CALCR: variants seen among roughly 807,000 people sequenced by gnomAD.
The protein encoded by CALCR is calcitonin receptor.
CALCR carries 47 observed loss-of-function variants against 59.5 expected under a neutral mutation model. That is an observed-to-expected ratio of 0.79 (90% CI 0.63 to 1.01). The LOEUF is 1.01. Ranked by LOEUF, CALCR falls within the 50% of genes least tolerant of loss-of-function variation. The probability of loss-of-function intolerance (pLI) is 0.00; values close to 1 mark genes in which losing one functional copy is unlikely to be tolerated. For synonymous variants in CALCR, 213 were observed against 211.3 expected (o/e 1.01, Z -0.07); for missense variants, 566 against 597.1 (o/e 0.95, Z 0.54).
chr7:93,501,039 T>G (rs2116000417), intron 2 of CALCR, among the ~76,000 whole-genome samples: 1 of 152,132 alleles, frequency 6.6e-6, no homozygotes, highest in African/African-American at 2.4e-5. Context: ...TCTGTAAAAT[T>G]GTCTAGATTC....
intron 2 of CALCR, among the ~76,000 whole-genome samples, chr7:93,548,839 A>AGTGT (rs754317267): frequency 0.073 from 9,987 of 137,312 alleles, 443 homozygotes; most frequent in African/African-American, 0.12. Context: ...ATCCAGAAGA[A>AGTGT]GTGTGTGTGT....
chr7:93,462,201 T>A (rs903110728), intron 7 of CALCR: 2 of 629,520 alleles, frequency 3.2e-6, no homozygotes, highest in African/African-American at 3.8e-5. Flanking sequence ...CGGGAAGCGA[T>A]TATAGTAACT....
chr7:93,475,747 C>G lies in CALCR; in HGVS notation c.316+1811G>C, dbSNP rs371030853. ...TCTTGGTTTTAACTGTTATAACTATCAAGAATTTGTCCTACTTCACCTGAT... is the reference window on the plus strand; with the variant it reads ...TCTTGGTTTTAACTGTTATAACTATGAAGAATTTGTCCTACTTCACCTGAT... On this transcript the variant is annotated intron_variant, in intron 5 of 13. Coordinates refer to ENST00000426151, the MANE Select transcript of CALCR (RefSeq NM_001742.4). Among the ~76,000 whole-genome samples the G allele has an allele frequency of 5.2e-4, 79 of 151,858 alleles. 2 individuals are homozygous for G. The South Asian group carries it at 0.016, about 31-fold the overall frequency.
intron 2 of CALCR, among the ~76,000 whole-genome samples, chr7:93,534,751 T>C (rs1788942787): frequency 6.6e-6 from 1 of 151,708 alleles, no homozygotes; most frequent in Non-Finnish European, 1.5e-5. Flanking sequence ...AGTCAAATCA[T>C]TGCAGCACAA....
chr7:93,458,291 T>C (rs532644897), intron 8 of CALCR, among the ~76,000 whole-genome samples: 24 of 152,298 alleles, frequency 1.6e-4, no homozygotes, highest in African/African-American at 5.1e-4. Flanking sequence ...ACAGGATGCA[T>C]GCTCTGGGCA....
intron 8 of CALCR, among the ~76,000 whole-genome samples, chr7:93,460,558 A>G (rs1368520690): frequency 1.5e-4 from 9 of 61,438 alleles, no homozygotes; most frequent in African/African-American, 8.2e-4. Flanking sequence ...TCTATCTAAA[A>G]AAAAAAAAAA....
chr7:93,501,881 T>C lies in CALCR; in HGVS notation c.-26-14874A>G, dbSNP rs76327524. Among the ~76,000 whole-genome samples the C allele has an allele frequency of 7.8e-3, 1,192 of 152,244 alleles. 27 individuals carry two copies. Among genetic ancestry groups the C allele is most frequent in the South Asian group, 0.054 (260 of 4,826 alleles). On this transcript the variant is annotated intron_variant, in intron 2 of 13. Coordinates refer to ENST00000426151, the MANE Select transcript of CALCR (RefSeq NM_001742.4). ...GACTCTAACTTAAGTTCACTGCTTC[T>C]CTGCTGTTGCTAATGTGCAGGTTCT...
chr7:93,488,068 A>G (rs1020791196), intron 2 of CALCR, among the ~76,000 whole-genome samples: 22 of 151,702 alleles, frequency 1.5e-4, no homozygotes, highest in South Asian at 4.1e-4. Context: ...TCTCAACAGA[A>G]ACTCTACAAG....
intron 2 of CALCR, among the ~76,000 whole-genome samples, chr7:93,516,468 A>C (rs1027273222): frequency 4.6e-5 from 7 of 151,916 alleles, no homozygotes; most frequent in African/African-American, 1.7e-4. Flanking sequence ...AAACAGCCTA[A>C]TGCCTCATAA....
chr7:93,565,051 T>C (rs1789833601), intron 2 of CALCR, among the ~76,000 whole-genome samples: 2 of 152,198 alleles, frequency 1.3e-5, no homozygotes, highest in African/African-American at 4.8e-5. Context: ...GCCACTCTTA[T>C]TCATGTGTTT....
intron 6 of CALCR, among the ~76,000 whole-genome samples, chr7:93,469,672 G>A (rs1395216526): frequency 6.6e-6 from 1 of 151,464 alleles, no homozygotes; most frequent in East Asian, 1.9e-4. Context: ...AAGTAGACTT[G>A]AATCTTTTGC....
At chr7:93,536,797 C>T (rs1376457433) in intron 2 of CALCR, among the ~76,000 whole-genome samples, 1 of 151,414 alleles carries the variant, frequency 6.6e-6, no homozygotes, top group Non-Finnish European at 1.5e-5. Context: ...TCATTCTTGA[C>T]ATAAGAAATT....
intron 2 of CALCR, among the ~76,000 whole-genome samples, chr7:93,534,147 CAT>C (rs1273352211): frequency 6.6e-6 from 1 of 151,756 alleles, no homozygotes; most frequent in Non-Finnish European, 1.5e-5. Context: ...AGCTAAGAAA[CAT>C]GATTTACTAT....
intron 2 of CALCR, among the ~76,000 whole-genome samples, chr7:93,524,330 C>T (rs1307251483): frequency 5.3e-5 from 8 of 151,772 alleles, no homozygotes; most frequent in Non-Finnish European, 7.4e-5. Flanking sequence ...CCACCACGCC[C>T]GGCTAATTTT....
At chr7:93,448,819 G>A (rs189425912) in intron 8 of CALCR, among the ~76,000 whole-genome samples, 3 of 151,952 alleles carry the variant, frequency 2.0e-5, no homozygotes, top group Non-Finnish European at 4.4e-5. Flanking sequence ...TATTTTTGGC[G>A]GGCTGCAATA....
At position 93,462,507 on chromosome 7, in the gene CALCR, C is replaced by T. The variant is rs1800357732; in HGVS notation, c.522-1560G>A. ...ATAAACTTCCATCTGGTGACTGCTG[C>T]AATCAGCACAGTTGAATCTGTGACC... On this transcript the variant is annotated intron_variant, in intron 7 of 13. Coordinates refer to ENST00000426151, the MANE Select transcript of CALCR (RefSeq NM_001742.4). 2.6e-5 allele frequency among the ~76,000 whole-genome samples: 4 copies of T among 152,240 alleles called. No homozygotes were observed. The South Asian group carries it at 8.3e-4, about 32-fold the overall frequency.
intron 2 of CALCR, among the ~76,000 whole-genome samples, chr7:93,570,579 A>T (rs1038263730): frequency 6.6e-6 from 1 of 152,194 alleles, no homozygotes; most frequent in Non-Finnish European, 1.5e-5. Flanking sequence ...TATCTGTGTT[A>T]TTCTGGTACA....
At chr7:93,458,198 A>G (rs1042330120) in intron 8 of CALCR, among the ~76,000 whole-genome samples, 1 of 152,104 alleles carries the variant, frequency 6.6e-6, no homozygotes, top group Non-Finnish European at 1.5e-5. Flanking sequence ...CTCTCTGCAT[A>G]TATTCATACC....
intron 2 of CALCR, among the ~76,000 whole-genome samples, chr7:93,570,766 G>A (rs1789984617): frequency 6.6e-6 from 1 of 152,112 alleles, no homozygotes; most frequent in Non-Finnish European, 1.5e-5. Flanking sequence ...ATGTTGCCTT[G>A]CCAACTTGTA....
Sources: gnomAD v4.1 joint callset for allele counts (sites outside exome capture counted in the v4.1 genomes callset) on GRCh38, gnomAD v4.1.1 for gene constraint, MANE v1.5 for transcripts, NCBI Gene and HGNC (gene_info 2026-07-23, HGNC 2026-07-21) for gene names.